TMCC1: variants seen among roughly 807,000 people sequenced by gnomAD.
The protein encoded by TMCC1 is transmembrane and coiled-coil domain family 1.
TMCC1 carries 15 observed loss-of-function variants against 52.4 expected under a neutral mutation model. The ratio of observed to expected loss-of-function variants is 0.29; its 90% CI spans 0.19 to 0.44. The LOEUF is 0.44. TMCC1 is among the 20% of genes least tolerant of loss of function. The probability of loss-of-function intolerance (pLI) is 1.00; values close to 1 mark genes in which losing one functional copy is unlikely to be tolerated. For missense variants in TMCC1, 503 were observed against 806.0 expected, an observed-to-expected ratio of 0.62 and a Z score of 4.55; for synonymous variants, 279 against 301.9, an observed-to-expected ratio of 0.92 and a Z score of 0.79.
At chr3:129,697,296 G>T (rs1445978039) in intron 4 of TMCC1, among the ~76,000 whole-genome samples, 2 of 152,156 alleles carry the variant, frequency 1.3e-5, no homozygotes, top group Non-Finnish European at 2.9e-5. Context: ...AAGCTACCAA[G>T]GTATAGGGCC....
At chr3:129,783,459 C>T (rs1333707022) in intron 4 of TMCC1, among the ~76,000 whole-genome samples, 6 of 151,834 alleles carry the variant, frequency 4.0e-5, no homozygotes, top group African/African-American at 1.5e-4. Context: ...TTTTTTCCCA[C>T]ATGATATACC....
intron 4 of TMCC1, among the ~76,000 whole-genome samples, chr3:129,680,102 G>T (rs1455155827): frequency 3.3e-5 from 5 of 152,092 alleles, no homozygotes; most frequent in Admixed American, 6.5e-5. Flanking sequence ...TTATACTCTT[G>T]CATGAATTGC....
At position 129,851,561 on chromosome 3, in the gene TMCC1, C is replaced by T. The variant is rs143851193; in HGVS notation, c.-183-18735G>A. 7.1e-3 allele frequency among the ~76,000 whole-genome samples: 1,077 copies of T among 152,210 alleles called. 11 individuals carry two copies. The highest frequency in any genetic ancestry group is 0.025 in the African/African-American group (1,022 of 41,518). On this transcript the variant is annotated intron_variant, in intron 2 of 6. Transcript: ENST00000393238. ...AAATTATAAACCACAAACATTAGGA[C>T]GGCTACTATCAGGAAAGCAGAAAGT...
At chr3:129,891,872 A>G (rs1027837222) in intron 1 of TMCC1, among the ~76,000 whole-genome samples, 1 of 152,232 alleles carries the variant, frequency 6.6e-6, no homozygotes. Flanking sequence ...GTCTTGCAGA[A>G]AAGGGGAAAT....
intron 4 of TMCC1, among the ~76,000 whole-genome samples, chr3:129,710,427 A>G (rs1043132193): frequency 3.9e-5 from 6 of 152,114 alleles, no homozygotes; most frequent in Non-Finnish European, 5.9e-5. Context: ...ACTCCCAAGT[A>G]CCTGGGACTA....
chr3:129,721,497 C>T (rs925241625), intron 4 of TMCC1, among the ~76,000 whole-genome samples: 4 of 151,966 alleles, frequency 2.6e-5, no homozygotes, highest in African/African-American at 9.7e-5. Context: ...ACCACAGAGT[C>T]AGCTACATTT....
intron 4 of TMCC1, among the ~76,000 whole-genome samples, chr3:129,673,095 T>C (rs932813322): frequency 1.3e-5 from 2 of 152,156 alleles, no homozygotes; most frequent in African/African-American, 4.8e-5. Context: ...AATAACGTTA[T>C]GCACCACTAG....
intron 2 of TMCC1, among the ~76,000 whole-genome samples, chr3:129,855,788 A>G (rs2060123867): frequency 6.6e-6 from 1 of 152,206 alleles, no homozygotes; most frequent in African/African-American, 2.4e-5. Context: ...ATGTTTCAAA[A>G]ATTTTTCTTA....
Position 129,828,647 on chromosome 3 carries a change from C to T in TMCC1, c.-130-139G>A, listed in dbSNP as rs2058763186. The T allele has an allele frequency of 1.1e-5, 4 of 365,348 alleles. No individual in the cohort carries two copies. Among genetic ancestry groups the T allele is most frequent in the Non-Finnish European group, 1.5e-5 (3 of 204,244 alleles). The allele number at this position is 365,348 out of a possible 1,614,324, so 22.6% of individuals were successfully genotyped here. A position where few individuals can be genotyped will look rare whatever the true frequency, so the allele number is the denominator to read the frequency against. ...GCACTATCATTAAGCAATCTTTAAT[C>T]AGAAGATTAAAAGACAGTTTTCTAG... is the stretch of plus-strand genomic sequence containing the variant. On this transcript the variant is annotated intron_variant, in intron 3 of 6. Transcript: ENST00000393238. This position sits in a 1 kb window ranked among gnomAD's most constrained non-coding sequence, Gnocchi z 4.1.
At chr3:129,776,796 A>T (rs571577919) in intron 4 of TMCC1, among the ~76,000 whole-genome samples, 69 of 152,138 alleles carry the variant, frequency 4.5e-4, no homozygotes, top group Admixed American at 2.0e-3. Flanking sequence ...TGCCTAGCTA[A>T]TTTTTATTTA....
chr3:129,838,974 T>C (rs755001770), intron 2 of TMCC1, among the ~76,000 whole-genome samples: 3 of 151,986 alleles, frequency 2.0e-5, no homozygotes, highest in Non-Finnish European at 4.4e-5. Context: ...GTATTCTACA[T>C]CCAGTGAAAA....
At chr3:129,727,078 C>A (rs2050166554) in intron 4 of TMCC1, among the ~76,000 whole-genome samples, 2 of 151,748 alleles carry the variant, frequency 1.3e-5, no homozygotes, top group South Asian at 2.1e-4. Flanking sequence ...CTACTTCATG[C>A]ACTGTCATAC....
intron 4 of TMCC1, among the ~76,000 whole-genome samples, chr3:129,720,181 CAAAAAAAAAAA>C (rs765678095): frequency 1.7e-5 from 1 of 58,710 alleles, no homozygotes; most frequent in Non-Finnish European, 3.5e-5. Context: ...GACCCTGTCT[CAAAAAAAAAAA>C]AAAAAAAAAA....
At chr3:129,745,539 A>G (rs1296166214) in intron 4 of TMCC1, among the ~76,000 whole-genome samples, 1 of 152,238 alleles carries the variant, frequency 6.6e-6, no homozygotes, top group Non-Finnish European at 1.5e-5. Flanking sequence ...GCTTGTTGCC[A>G]GACATTCTGG....
At chr3:129,747,314 C>T (rs956093913) in intron 4 of TMCC1, among the ~76,000 whole-genome samples, 9 of 151,972 alleles carry the variant, frequency 5.9e-5, no homozygotes, top group South Asian at 2.1e-4. Flanking sequence ...ACATATAATC[C>T]GAGGAAATCC....
intron 4 of TMCC1, among the ~76,000 whole-genome samples, chr3:129,770,211 G>A (rs1653540621): frequency 6.6e-6 from 1 of 152,096 alleles, no homozygotes; most frequent in African/African-American, 2.4e-5. Context: ...CGTATTTATT[G>A]AGGCATTAAG....
At chr3:129,666,422 A>G (rs562616790) in intron 5 of TMCC1, among the ~76,000 whole-genome samples, 1 of 152,304 alleles carries the variant, frequency 6.6e-6, no homozygotes, top group African/African-American at 2.4e-5. Context: ...AAATGCTTAA[A>G]ATGTGAAAAG....
intron 2 of TMCC1, among the ~76,000 whole-genome samples, chr3:129,862,466 T>C (rs1372117826): frequency 6.6e-6 from 1 of 152,116 alleles, no homozygotes; most frequent in Admixed American, 6.6e-5. Context: ...TTCCTGTAAA[T>C]CCGAAACTTC....
rs1365459383 is a variant in TMCC1 at position 129,852,551 on chromosome 3, T to C, written c.-183-19725A>G. Among the ~76,000 whole-genome samples the C allele has an allele frequency of 6.0e-5, 8 of 134,046 alleles. No individual in the cohort carries two copies. In the East Asian group the frequency reaches 1.8e-3, roughly 29 times the overall value. 87.9% of individuals were successfully genotyped at this position (134,046 alleles called of 152,430 possible). On this transcript the variant is annotated intron_variant, in intron 2 of 6. Coordinates refer to ENST00000393238, the MANE Select transcript of TMCC1 (RefSeq NM_001017395.5). ...ATGAACCTTGAGGACAGACATAAAA[T>C]AAGCCAATCACAAAGAGATAAATAG...
Sources: allele counts gnomAD v4.1 joint callset (sites outside exome capture counted in the v4.1 genomes callset), GRCh38; gene constraint gnomAD v4.1.1; non-coding constraint Gnocchi (gnomAD v3.1); transcripts MANE v1.5; gene names NCBI Gene and HGNC (gene_info 2026-07-23, HGNC 2026-07-21).